The following MLLT10 variants were observed in gnomAD, a reference collection of about 807,000 sequenced individuals.
MLLT10 encodes MLLT10 histone lysine methyltransferase DOT1L cofactor.
MLLT10 carries 30 observed loss-of-function variants against 129.1 expected under a neutral mutation model. The ratio of observed to expected loss-of-function variants is 0.23; its 90% CI spans 0.17 to 0.32. The LOEUF is 0.32. Among genes scored for constraint, MLLT10 ranks in the 10% least tolerant of loss-of-function variants. MLLT10 has a pLI of 1.00. For missense variants in MLLT10, 1,119 were observed against 1,268.3 expected (o/e 0.88, Z 1.79); for synonymous variants, 490 against 446.4 (o/e 1.10, Z -1.23).
chr10:21,708,393 T>C (rs2055738750), intron 13 of MLLT10, among the ~76,000 whole-genome samples: 1 of 152,040 alleles, frequency 6.6e-6, no homozygotes, highest in Non-Finnish European at 1.5e-5. Context: ...GAAAATAGAG[T>C]GAAGTTAAAT....
intron 3 of MLLT10, among the ~76,000 whole-genome samples, chr10:21,578,491 T>C (rs1270998915): frequency 6.6e-6 from 1 of 152,180 alleles, no homozygotes; most frequent in African/African-American, 2.4e-5. Context: ...ATTTTTTCTT[T>C]TATTGCCTCT....
At chr10:21,604,893 C>A (rs1350716961) in intron 5 of MLLT10, among the ~76,000 whole-genome samples, 1 of 150,976 alleles carries the variant, frequency 6.6e-6, no homozygotes, top group Non-Finnish European at 1.5e-5. Flanking sequence ...TGCTTAGTTC[C>A]TATTTTTTGT....
intron 3 of MLLT10, among the ~76,000 whole-genome samples, chr10:21,560,092 G>A (rs1193499022): frequency 3.9e-5 from 6 of 151,978 alleles, no homozygotes; most frequent in Admixed American, 2.0e-4. Context: ...TGCATCCTCC[G>A]CCTTCCGGGT....
chr10:21,643,832 T>G (rs1248554900), intron 8 of MLLT10, among the ~76,000 whole-genome samples: 2 of 152,370 alleles, frequency 1.3e-5, no homozygotes, highest in African/African-American at 4.8e-5. Flanking sequence ...ATATACCTTC[T>G]GTTCCCCATT....
At chr10:21,609,883 A>G (rs148786876) in intron 5 of MLLT10, among the ~76,000 whole-genome samples, 2 of 151,376 alleles carry the variant, frequency 1.3e-5, no homozygotes, top group Admixed American at 6.6e-5. Flanking sequence ...TTTCTCTCTC[A>G]CACACACACA....
At chr10:21,726,123 G>A in intron 14 of MLLT10, 121 bp from the exon 15 acceptor site, 1 of 667,848 alleles carries the variant, frequency 1.5e-6, no homozygotes, top group East Asian at 3.0e-5. Context: ...CTTTTCAGAA[G>A]GTCACAAATT....
intron 5 of MLLT10, among the ~76,000 whole-genome samples, chr10:21,600,154 GTC>G (rs909387531): frequency 3.0e-4 from 46 of 151,952 alleles, no homozygotes; most frequent in African/African-American, 1.1e-3. Flanking sequence ...CCTTTGGTGT[GTC>G]TATTTTTATC....
At position 21,593,929 on chromosome 10, in the gene MLLT10, A is replaced by T. The variant is rs1235858604; in HGVS notation, c.296-1402A>T. On this transcript the variant is annotated intron_variant, in intron 4 of 22. Transcript: ENST00000307729. ...CGACAGACCAAGGCTTTGTCTTTAA[A>T]AAAAAAAAAAAAAAAAAAAAAAAAA... Among the ~76,000 whole-genome samples, 748 of 133,074 alleles carry T rather than the reference A, an allele frequency of 5.6e-3. 6 individuals are homozygous for T. The highest frequency in any genetic ancestry group is 0.019 in the African/African-American group (703 of 36,102). 87.3% of individuals were successfully genotyped at this position (133,074 alleles called of 152,430 possible).
chr10:21,670,663 AT>A lies in MLLT10; in HGVS notation c.1011del (p.Pro338GlnfsTer23), dbSNP rs755029341. On this transcript the variant is annotated frameshift_variant, in exon 10 of 23. Coordinates refer to ENST00000307729, the MANE Select transcript of MLLT10 (RefSeq NM_001195626.3). LOFTEE classifies it high-confidence loss of function. ...QRGRKPGGGR[N>X]PGTTVSAASP... ...GGAAGAAAGCCTGGTGGTGGAAGAAATCCAGGAACAACTGTGTCAGCAGCTA... is the reference window on the plus strand; with the variant it reads ...GGAAGAAAGCCTGGTGGTGGAAGAAACCAGGAACAACTGTGTCAGCAGCTA... The A allele has an allele frequency of 3.1e-6, 5 of 1,614,170 alleles. No homozygotes were observed. In the South Asian group the frequency reaches 5.5e-5, roughly 18 times the overall value.
At chr10:21,643,121 C>T (rs911569031) in intron 8 of MLLT10, among the ~76,000 whole-genome samples, 10 of 152,188 alleles carry the variant, frequency 6.6e-5, no homozygotes, top group Non-Finnish European at 1.5e-4. Context: ...CAACCTCTGC[C>T]TCTCCAGTTC....
At chr10:21,579,423 C>T (rs1304480870) in intron 3 of MLLT10, among the ~76,000 whole-genome samples, 2 of 144,842 alleles carry the variant, frequency 1.4e-5, no homozygotes, top group Non-Finnish European at 3.0e-5. Context: ...TCTTTCCTGC[C>T]TCATATTCTT....
chr10:21,671,060 C>T, intron 10 of MLLT10: 1 of 182,564 alleles, frequency 5.5e-6, no homozygotes, highest in South Asian at 1.1e-4. Context: ...GAATCTCGCT[C>T]TGTTGCCTGG....
chr10:21,628,240 C>G (rs924296608), intron 8 of MLLT10, among the ~76,000 whole-genome samples: 4 of 152,124 alleles, frequency 2.6e-5, no homozygotes, highest in African/African-American at 9.7e-5. Context: ...ATCTGTAAAT[C>G]TGTGTTAGTT....
intron 8 of MLLT10, among the ~76,000 whole-genome samples, chr10:21,624,194 G>T (rs1357645830): frequency 2.0e-5 from 3 of 152,164 alleles, no homozygotes; most frequent in African/African-American, 7.2e-5. Context: ...CTAAGACATA[G>T]CACTAGCTTG....
intron 5 of MLLT10, 110 bp from the exon 6 acceptor site, chr10:21,612,238 T>A: frequency 1.8e-6 from 1 of 570,394 alleles, no homozygotes; most frequent in Non-Finnish European, 3.1e-6. Flanking sequence ...TATTTTGAGT[T>A]AAGATAGGTT....
In MLLT10 at chr10:21,742,247, CAT is replaced by C. The variant is rs1273057358; in HGVS notation, c.*266_*267del. 3 of 379,384 alleles carry C rather than the reference CAT, an allele frequency of 7.9e-6. No individual in the cohort carries two copies. The highest frequency in any genetic ancestry group is 2.1e-5 in the African/African-American group (1 of 48,462). 23.5% of individuals were successfully genotyped at this position (379,384 alleles called of 1,614,324 possible). A position where few individuals can be genotyped will look rare whatever the true frequency, so the allele number is the denominator to read the frequency against. On this transcript the variant is annotated 3_prime_UTR_variant, in exon 23 of 23. Transcript: ENST00000307729. ...AAAATTTAATAACTTTTTAAAGTGA[CAT>C]AATTTACATGCAATATGTTTATCAA...
chr10:21,558,628 C>T (rs2038386103), intron 3 of MLLT10, among the ~76,000 whole-genome samples: 1 of 151,628 alleles, frequency 6.6e-6, no homozygotes. Flanking sequence ...TCACGCAGTC[C>T]TCCCTCCTTG....
intron 3 of MLLT10, among the ~76,000 whole-genome samples, chr10:21,549,118 AT>A (rs2036559885): frequency 8.2e-6 from 1 of 121,808 alleles, no homozygotes; most frequent in African/African-American, 2.9e-5. Flanking sequence ...TCAGGAGCTT[AT>A]TCCTTTTTTT....
At chr10:21,669,567 G>T (rs1309925901) in intron 9 of MLLT10, among the ~76,000 whole-genome samples, 1 of 152,112 alleles carries the variant, frequency 6.6e-6, no homozygotes, top group Non-Finnish European at 1.5e-5. Flanking sequence ...AGCACTTAGT[G>T]AACTTTATGC....
Sources: gnomAD v4.1 joint callset for allele counts (sites outside exome capture counted in the v4.1 genomes callset) on GRCh38, gnomAD v4.1.1 for gene constraint, MANE v1.5 for transcripts, NCBI Gene and HGNC (gene_info 2026-07-23, HGNC 2026-07-21) for gene names.